The following LRRC41 variants were observed in gnomAD, a reference collection of about 807,000 sequenced individuals.
LRRC41 encodes the protein leucine-rich repeat-containing protein 41.
LRRC41 carries 17 observed loss-of-function variants against 72.1 expected under a neutral mutation model. The observed-to-expected ratio is 0.24, with a 90% CI of 0.16 to 0.35. LRRC41 has a LOEUF of 0.35. LRRC41 is among the 10% of genes least tolerant of loss of function. LRRC41 has a pLI of 1.00. For missense variants in LRRC41, 759 were observed against 1,065.0 expected, an observed-to-expected ratio of 0.71 and a Z score of 4.00; for synonymous variants, 427 against 431.0, an observed-to-expected ratio of 0.99 and a Z score of 0.11.
At chr1:46,296,554 C>T (rs767403534) in intron 3 of LRRC41, among the ~76,000 whole-genome samples, 6 of 152,152 alleles carry the variant, frequency 3.9e-5, no homozygotes, top group Non-Finnish European at 8.8e-5. Flanking sequence ...ATTAAATCTA[C>T]CCCATCACCT....
chr1:46,298,556 T>A, intron 1 of LRRC41, 186 bp from the exon 2 acceptor site: 1 of 468,488 alleles, frequency 2.1e-6, no homozygotes, highest in Non-Finnish European at 3.8e-6. Flanking sequence ...AGCCACTCAG[T>A]TGGAAGCTGG....
In LRRC41 at chr1:46,285,712, G is replaced by A. The variant is rs1431221984; in HGVS notation, c.1145C>T (p.Ala382Val). ...SSYKRAPASS[A>V]PQPKPLKRFK... is the part of the protein sequence containing the mutation. Reference sequence around the variant, plus strand: ...ACGCTTTAGGGGCTTAGGCTGTGGGGCTGAGCTAGCTGGTGCCCGTTTGTA... The same window carrying A: ...ACGCTTTAGGGGCTTAGGCTGTGGGACTGAGCTAGCTGGTGCCCGTTTGTA... The change falls in exon 4 of 10, where the codon GCC (alanine) becomes GTC (valine). Residue 382 changes from alanine to valine, a missense_variant. This residue lies in a region of LRRC41 where 427 missense variants were observed against 520.9 expected (regional missense o/e 0.82). Coordinates refer to ENST00000617190, the MANE Select transcript of LRRC41 (RefSeq NM_006369.5). The surrounding 1 kb of genome is among the most constrained non-coding windows in gnomAD (Gnocchi z 5.3). The A allele has an allele frequency of 3.1e-6, 5 of 1,610,744 alleles. No homozygotes were observed. In the African/African-American group the frequency reaches 4.0e-5, roughly 13 times the overall value.
At position 46,285,204 on chromosome 1, in the gene LRRC41, T is replaced by C; in HGVS notation, c.1495+158A>G. Reference sequence around the variant, plus strand: ...GTATAGACTTTATGTTCCTCTCTTCTAGCAATGACAGTCTCCCCTGCTATG... The same window carrying C: ...GTATAGACTTTATGTTCCTCTCTTCCAGCAATGACAGTCTCCCCTGCTATG... On this transcript the variant is annotated intron_variant, in intron 4 of 9. Transcript: ENST00000617190. The surrounding 1 kb of genome is among the most constrained non-coding windows in gnomAD (Gnocchi z 5.3). 2 of 699,042 alleles carry C rather than the reference T, an allele frequency of 2.9e-6. No homozygotes were observed. Among genetic ancestry groups the C allele is most frequent in the Non-Finnish European group, 5.0e-6 (2 of 402,446 alleles). The allele number at this position is 699,042 out of a possible 1,614,324, so 43.3% of individuals were successfully genotyped here.
rs2148309172 is a variant in LRRC41, at chr1:46,278,215, C to T, written c.*650G>A. ...GAGGTACTCCAGGCTGCCTGGGATG[C>T]TGCCTCCACTGCCATCACCTTCGTC... On this transcript the variant is annotated 3_prime_UTR_variant, in exon 10 of 10. Transcript: ENST00000617190. 1 of 1,613,854 alleles carries T rather than the reference C, an allele frequency of 6.2e-7. No individual in the cohort carries two copies. Among genetic ancestry groups the T allele is most frequent in the Non-Finnish European group, 8.5e-7 (1 of 1,179,962 alleles).
In LRRC41 at chr1:46,279,747, C is replaced by T; in HGVS notation, c.2021-133G>A. ...AAGAGGAAGGAATTTGTCTAGACTC[C>T]AAGCAAGGCTGGAACTAAATCAGAA... On this transcript the variant is annotated intron_variant, in intron 7 of 9. Transcript: ENST00000617190. This position sits in a 1 kb window ranked among gnomAD's most constrained non-coding sequence, Gnocchi z 4.5. 9.6e-7 allele frequency: 1 copy of T among 1,044,818 alleles called. No individual in the cohort carries two copies. The highest frequency in any genetic ancestry group is 1.4e-6 in the Non-Finnish European group (1 of 707,996). 64.7% of individuals were successfully genotyped at this position (1,044,818 alleles called of 1,614,324 possible). A position where few individuals can be genotyped will look rare whatever the true frequency, so the allele number is the denominator to read the frequency against.
At chr1:46,301,814 G>A (rs1661232543) in intron 1 of LRRC41, among the ~76,000 whole-genome samples, 1 of 151,572 alleles carries the variant, frequency 6.6e-6, no homozygotes, top group African/African-American at 2.4e-5. Context: ...CCAGGCCCGG[G>A]GCCTGCTCTC....
At chr1:46,290,135 T>TG (rs1660976883) in intron 3 of LRRC41, among the ~76,000 whole-genome samples, 1 of 152,200 alleles carries the variant, frequency 6.6e-6, no homozygotes, top group African/African-American at 2.4e-5. Context: ...GGACGAGGCA[T>TG]GGTGACTCAT....
rs1661277706 is a variant in LRRC41, at chr1:46,303,008, T to C, written c.199+116A>G. On this transcript the variant is annotated intron_variant, in intron 1 of 9. Transcript: ENST00000617190. ...CATTCTCCGATCCTACGAGCTGGCT[T>C]TCAGCGCCCCAGGCTGGGCCTTGCC... The C allele has an allele frequency of 1.7e-5, 22 of 1,313,114 alleles. No homozygotes were observed. The South Asian group carries it at 4.9e-4, about 29-fold the overall frequency. 81.3% of individuals were successfully genotyped at this position (1,313,114 alleles called of 1,614,324 possible). A position where few individuals can be genotyped will look rare whatever the true frequency, so the allele number is the denominator to read the frequency against.
chr1:46,296,197 CTG>C (rs1397447194), intron 3 of LRRC41, among the ~76,000 whole-genome samples: 1 of 152,150 alleles, frequency 6.6e-6, no homozygotes, highest in Non-Finnish European at 1.5e-5. Flanking sequence ...GGTGGATCAA[CTG>C]AGGTCAGGAG....
chr1:46,280,195 G>T lies in LRRC41; in HGVS notation c.2017C>A (p.Gln673Lys). The T allele has an allele frequency of 6.2e-7, 1 of 1,612,718 alleles. No individual in the cohort carries two copies. The highest frequency in any genetic ancestry group is 8.5e-7 in the Non-Finnish European group (1 of 1,178,694). Residue 673 changes from glutamine to lysine, a missense_variant, in exon 7 of 10, where the codon CAA becomes AAA. Coordinates refer to ENST00000617190, the MANE Select transcript of LRRC41 (RefSeq NM_006369.5). ...VLFLLQNLTL[Q>K]EITFSFCRLF... ...AGGTTCTGAATAAGGAACTTACCTT[G>T]CAGAGTCAGATTCTGTAGCAAAAAG...
In LRRC41 at chr1:46,278,875, C is replaced by T; in HGVS notation, c.2429G>A (p.Ser810Asn). 2 of 1,609,906 alleles carry T rather than the reference C, an allele frequency of 1.2e-6. No individual in the cohort carries two copies. The highest frequency in any genetic ancestry group is 1.7e-6 in the Non-Finnish European group (2 of 1,178,884). ...DSSQAFADYV[S>N]TM ...GAGGTACGGGCCCCATCACATGGTG[C>T]TAACATAATCTGCGAAGGCCTGGGA... Residue 810 changes from serine (S) to asparagine (N), a missense_variant, in exon 10 of 10, where the codon AGC becomes AAC. Physicochemically the swap from Ser to Asn is conservative, Grantham distance 46. This residue lies in a region of LRRC41 where 110 missense variants were observed against 227.0 expected (regional missense o/e 0.48). Coordinates refer to ENST00000617190, the MANE Select transcript of LRRC41 (RefSeq NM_006369.5).
chr1:46,291,552 G>GTTTTTTTT (rs1219656700), intron 3 of LRRC41, among the ~76,000 whole-genome samples: 32 of 84,944 alleles, frequency 3.8e-4, no homozygotes, highest in Middle Eastern at 0.012. Context: ...GCCCCAGCTG[G>GTTTTTTTT]TTTTTTTTTT....
chr1:46,300,364 A>G (rs1661198778), intron 1 of LRRC41: 1 of 152,216 alleles, frequency 6.6e-6, no homozygotes. Context: ...ATCTTGGAGT[A>G]TACCAAAACT....
intron 3 of LRRC41, among the ~76,000 whole-genome samples, chr1:46,291,687 G>A (rs1379148715): frequency 6.7e-6 from 1 of 150,284 alleles, no homozygotes; most frequent in Non-Finnish European, 1.5e-5. Context: ...AGCCTCTTGA[G>A]TAGCTGGGAC....
At chr1:46,280,977 G>T in intron 5 of LRRC41, 148 bp downstream of exon 5, 1 of 1,093,516 alleles carries the variant, frequency 9.1e-7, no homozygotes, top group Non-Finnish European at 1.3e-6. Context: ...GTATCTTAGT[G>T]GTAGGCTCTA....
Position 46,302,288 on chromosome 1 carries a change from T to C in LRRC41, c.199+836A>G. The C allele has an allele frequency of 1.0e-6, 1 of 985,298 alleles. No homozygotes were observed. The highest frequency in any genetic ancestry group is 1.2e-6 in the Non-Finnish European group (1 of 829,866). The allele number at this position is 985,298 out of a possible 1,614,324, so 61.0% of individuals were successfully genotyped here. On this transcript the variant is annotated intron_variant, in intron 1 of 9. Coordinates refer to ENST00000617190, the MANE Select transcript of LRRC41 (RefSeq NM_006369.5). This position sits in a 1 kb window ranked among gnomAD's most constrained non-coding sequence, Gnocchi z 4.7. ...GGCCGTCGCCCCGCTTGGGGCCTCC[T>C]TGGCCCTTCCCGCCTGTCCGTCATT...
Position 46,279,231 on chromosome 1 carries a change from C to G in LRRC41, c.2170G>C (p.Asp724His). ...GAGGATGAATCCTCTGAGAAAACAT[C>G]TGCCAAGGCCAGCAGGCCAGCATTC... ...LGNAGLLALADVFSEDSSSSL... is the reference protein window; with the variant it reads ...LGNAGLLALAHVFSEDSSSSL... Residue 724 changes from aspartate (D) to histidine (H), a missense_variant, in exon 9 of 10, where the codon GAT becomes CAT. Asp to His is a moderately conservative substitution (Grantham distance 81, BLOSUM62 -1). Transcript: ENST00000617190. This position sits in a 1 kb window ranked among gnomAD's most constrained non-coding sequence, Gnocchi z 4.5. The G allele has an allele frequency of 6.2e-7, 1 of 1,614,238 alleles. No individual in the cohort carries two copies. The highest frequency in any genetic ancestry group is 8.5e-7 in the Non-Finnish European group (1 of 1,180,042).
rs150134751 is a variant in LRRC41 at position 46,285,195 on chromosome 1, C to T, written c.1495+167G>A. On this transcript the variant is annotated intron_variant, in intron 4 of 9. Transcript: ENST00000617190. This position sits in a 1 kb window ranked among gnomAD's most constrained non-coding sequence, Gnocchi z 5.3. The stretch of plus-strand genomic sequence containing the variant: ...TAATCAAGTGTATAGACTTTATGTT[C>T]CTCTCTTCTAGCAATGACAGTCTCC... 1.2e-5 allele frequency: 8 copies of T among 677,650 alleles called. 1 individual carries two copies. Among genetic ancestry groups the T allele is most frequent in the African/African-American group, 7.2e-5 (4 of 55,456 alleles). The allele number at this position is 677,650 out of a possible 1,614,324, so 42.0% of individuals were successfully genotyped here.
At chr1:46,291,801 C>T in intron 3 of LRRC41, among the ~76,000 whole-genome samples, 1 of 151,208 alleles carries the variant, frequency 6.6e-6, no homozygotes, top group Non-Finnish European at 1.5e-5. Flanking sequence ...CTCAGGTGAT[C>T]CACCTGCCTC....
Sources: gnomAD v4.1 joint callset for allele counts (sites outside exome capture counted in the v4.1 genomes callset) on GRCh38, gnomAD v4.1.1 for gene constraint, gnomAD v4.1.1 regional missense constraint, Gnocchi (gnomAD v3.1) non-coding constraint, MANE v1.5 for transcripts, NCBI Gene and HGNC (gene_info 2026-07-23, HGNC 2026-07-21) for gene names.